The following ATP8B4 variants were observed in gnomAD, a reference collection of about 807,000 sequenced individuals.
ATP8B4 encodes the protein probable phospholipid-transporting ATPase IM.
A neutral mutation model predicts 145.6 loss-of-function variants in ATP8B4; 133 were observed. That is an observed-to-expected ratio of 0.91 (90% confidence interval 0.79 to 1.05). The LOEUF (loss-of-function observed/expected upper bound fraction) is 1.05. Ranked by LOEUF, ATP8B4 falls within the 50% of genes least tolerant of loss-of-function variation. The probability of loss-of-function intolerance (pLI) is 0.00; values close to 1 mark genes in which losing one functional copy is unlikely to be tolerated. For missense variants in ATP8B4, 1,458 were observed against 1,425.2 expected (o/e 1.02, Z -0.37); for synonymous variants, 507 against 492.9 (o/e 1.03, Z -0.38).
At chr15:49,885,844 C>T (rs1179290924) in intron 23 of ATP8B4, 2 of 152,354 alleles carry the variant, frequency 1.3e-5, no homozygotes, top group African/African-American at 4.8e-5. Context: ...AGCTATTCTT[C>T]ACTTCTGGAA....
At position 49,859,419 on chromosome 15, in the gene ATP8B4, G is replaced by GTTGT; in HGVS notation, c.*771_*774dup. 6.6e-6 allele frequency: 1 copy of GTTGT among 152,240 alleles called. No individual in the cohort carries two copies. Among genetic ancestry groups the GTTGT allele is most frequent in the East Asian group, 1.9e-4 (1 of 5,178 alleles). The allele number at this position is 152,240 out of a possible 1,614,324, so 9.4% of individuals were successfully genotyped here. ...TGATGCTCAGCAAATTACTACTGAG[G>GTTGT]TTGTTAGAAAAGCCATTGAAAAGTA... On this transcript the variant is annotated 3_prime_UTR_variant, in exon 28 of 28. Transcript: ENST00000284509.
chr15:49,879,378 G>A lies in ATP8B4; in HGVS notation c.2779C>T (p.Gln927Ter), dbSNP rs766235736. The A allele has an allele frequency of 6.2e-7, 1 of 1,607,376 alleles. No individual in the cohort carries two copies. Among genetic ancestry groups the A allele is most frequent in the Non-Finnish European group, 8.5e-7 (1 of 1,176,444 alleles). ...ATAAAGATGGAAAAAAAACATACCT[G>A]GTCAAAAATCCCCATGGCTAAAACA... ...LPVLAMGIFD[Q>*]DVSDQNSVDC... The change falls in exon 24 of 28, where the codon CAG becomes TAG. Residue 927 changes from glutamine to a stop codon, truncating the protein, a stop_gained and splice_region_variant. Coordinates refer to ENST00000284509, the MANE Select transcript of ATP8B4 (RefSeq NM_024837.4). LOFTEE classifies it high-confidence loss of function.
intron 14 of ATP8B4, among the ~76,000 whole-genome samples, chr15:49,949,450 C>G (rs1335736281): frequency 6.6e-6 from 1 of 152,134 alleles, no homozygotes; most frequent in Non-Finnish European, 1.5e-5. Flanking sequence ...CGAGTTCATT[C>G]ATGATTTGGC....
At chr15:50,101,529 A>C (rs2414018) in intron 2 of ATP8B4, among the ~76,000 whole-genome samples, 40,576 of 151,948 alleles carry the variant, frequency 0.27, 6,181 homozygotes, top group East Asian at 0.64. Context: ...GACTAGTCCA[A>C]AAGGAGATTA....
At chr15:50,155,333 A>G (rs1265643938) in intron 1 of ATP8B4, among the ~76,000 whole-genome samples, 1 of 152,132 alleles carries the variant, frequency 6.6e-6, no homozygotes, top group Non-Finnish European at 1.5e-5. Context: ...TAAAGATTCT[A>G]AAACTATAAA....
At chr15:49,903,504 T>C (rs906632640) in intron 20 of ATP8B4, among the ~76,000 whole-genome samples, 2 of 152,238 alleles carry the variant, frequency 1.3e-5, no homozygotes, top group African/African-American at 2.4e-5. Context: ...AGGCACATAC[T>C]GGCTTGCATA....
intron 16 of ATP8B4, among the ~76,000 whole-genome samples, chr15:49,929,449 A>G (rs1224555964): frequency 1.3e-5 from 2 of 152,138 alleles, no homozygotes. Flanking sequence ...TGAGAAAGAA[A>G]GTTCCATATT....
At chr15:50,105,469 A>T (rs11633979) in intron 2 of ATP8B4, among the ~76,000 whole-genome samples, 21,931 of 152,130 alleles carry the variant, frequency 0.14, 1,663 homozygotes, top group Middle Eastern at 0.16. Context: ...AAATGTAAAT[A>T]AAAATAATGT....
chr15:49,915,205 C>T (rs2039615962), intron 20 of ATP8B4, among the ~76,000 whole-genome samples: 1 of 152,022 alleles, frequency 6.6e-6, no homozygotes, highest in Non-Finnish European at 1.5e-5. Flanking sequence ...TCAAATAAGG[C>T]ACAGAATGAC....
chr15:50,050,890 GAAT>G (rs2052132288), intron 3 of ATP8B4, among the ~76,000 whole-genome samples: 1 of 152,122 alleles, frequency 6.6e-6, no homozygotes, highest in African/African-American at 2.4e-5. Flanking sequence ...AATATGCCCA[GAAT>G]AATATTTTTT....
chr15:50,010,370 A>G lies in ATP8B4; in HGVS notation c.435+475T>C, dbSNP rs16963203. 9.5e-3 allele frequency among the ~76,000 whole-genome samples: 1,449 copies of G among 152,208 alleles called. 65 individuals are homozygous for G. In the East Asian group the frequency reaches 0.14, roughly 14 times the overall value. ...AACTCTCATTAATAACATGTTATTAATTCAGCACAATCAATACACATTTTC... is the reference window on the plus strand; with the variant it reads ...AACTCTCATTAATAACATGTTATTAGTTCAGCACAATCAATACACATTTTC... On this transcript the variant is annotated intron_variant, in intron 7 of 27. Transcript: ENST00000284509.
intron 6 of ATP8B4, among the ~76,000 whole-genome samples, chr15:50,031,257 C>T (rs535730517): frequency 6.6e-6 from 1 of 152,148 alleles, no homozygotes; most frequent in East Asian, 1.9e-4. Flanking sequence ...AAGTTTTTCT[C>T]CTCAAAATCT....
intron 20 of ATP8B4, among the ~76,000 whole-genome samples, chr15:49,916,573 G>A (rs1191958230): frequency 6.6e-6 from 1 of 152,068 alleles, no homozygotes; most frequent in Admixed American, 6.5e-5. Flanking sequence ...AATGAAGCTA[G>A]GGCATTGGTA....
intron 1 of ATP8B4, among the ~76,000 whole-genome samples, chr15:50,111,138 T>G (rs1302026740): frequency 6.6e-6 from 1 of 152,122 alleles, no homozygotes; most frequent in Non-Finnish European, 1.5e-5. Flanking sequence ...CTTCTTACAG[T>G]GAAAATGGGC....
intron 27 of ATP8B4, among the ~76,000 whole-genome samples, chr15:49,861,210 C>T (rs139719385): frequency 1.3e-5 from 2 of 152,208 alleles, no homozygotes; most frequent in Admixed American, 6.5e-5. Context: ...CAGAACATCA[C>T]GATCAAACTT....
intron 25 of ATP8B4, among the ~76,000 whole-genome samples, chr15:49,874,751 A>G (rs2034148579): frequency 6.6e-6 from 1 of 152,224 alleles, no homozygotes; most frequent in Non-Finnish European, 1.5e-5. Context: ...AGCTTTTAAA[A>G]TAAACTTTTG....
chr15:50,157,512 A>T (rs190840605), intron 1 of ATP8B4, among the ~76,000 whole-genome samples: 2 of 152,268 alleles, frequency 1.3e-5, no homozygotes, highest in Non-Finnish European at 2.9e-5. Context: ...TACACGGATG[A>T]ATTGTACAGT....
chr15:49,991,302 C>T (rs1310877134), intron 9 of ATP8B4, among the ~76,000 whole-genome samples: 1 of 152,106 alleles, frequency 6.6e-6, no homozygotes, highest in Admixed American at 6.6e-5. Flanking sequence ...TCAACCTTTC[C>T]TCGGTTCAGA....
intron 2 of ATP8B4, among the ~76,000 whole-genome samples, chr15:50,087,638 A>G (rs1368546492): frequency 6.6e-6 from 1 of 151,960 alleles, no homozygotes; most frequent in African/African-American, 2.4e-5. Context: ...TTATAGCAGC[A>G]CTACTTATGG....
Sources: gnomAD v4.1 joint callset for allele counts (sites outside exome capture counted in the v4.1 genomes callset) on GRCh38, gnomAD v4.1.1 for gene constraint, MANE v1.5 for transcripts, NCBI Gene and HGNC (gene_info 2026-07-23, HGNC 2026-07-21) for gene names.